The following STAU2 variants were observed in gnomAD, a reference collection of about 807,000 sequenced individuals.
STAU2 encodes staufen double-stranded RNA binding protein 2.
STAU2 carries 20 observed loss-of-function variants against 65.9 expected under a neutral mutation model. The ratio of observed to expected loss-of-function variants is 0.30; its 90% CI spans 0.21 to 0.44. The LOEUF is 0.44. Ranked by LOEUF, STAU2 falls within the 20% of genes least tolerant of loss-of-function variation. STAU2 has a pLI of 1.00. For synonymous variants in STAU2, 232 were observed against 233.9 expected, an observed-to-expected ratio of 0.99 and a Z score of 0.07; for missense variants, 558 against 683.9, an observed-to-expected ratio of 0.82 and a Z score of 2.05.
chr8:73,684,080 T>A (rs754220973), intron 5 of STAU2, among the ~76,000 whole-genome samples: 1 of 152,110 alleles, frequency 6.6e-6, no homozygotes, highest in Non-Finnish European at 1.5e-5. Context: ...AATACCATCA[T>A]CATTTTTCAC....
At chr8:73,571,908 T>C (rs1041061383) in intron 12 of STAU2, among the ~76,000 whole-genome samples, 4 of 151,906 alleles carry the variant, frequency 2.6e-5, no homozygotes, top group African/African-American at 9.7e-5. Context: ...AGAGCAGAAC[T>C]AAGGGAGATA....
intron 6 of STAU2, among the ~76,000 whole-genome samples, chr8:73,657,644 T>C (rs981925032): frequency 1.3e-5 from 2 of 152,198 alleles, no homozygotes; most frequent in African/African-American, 2.4e-5. Flanking sequence ...TATATTTATA[T>C]TGGTATTAGA....
chr8:73,465,460 C>T (rs1023580972), intron 13 of STAU2, among the ~76,000 whole-genome samples: 5 of 152,192 alleles, frequency 3.3e-5, no homozygotes, highest in Non-Finnish European at 7.3e-5. Flanking sequence ...TAGAATGCCT[C>T]ACGTATTACT....
chr8:73,429,413 C>CTGTTTTTTTT (rs1817086565), intron 13 of STAU2, among the ~76,000 whole-genome samples: 1 of 65,312 alleles, frequency 1.5e-5, no homozygotes, highest in East Asian at 6.4e-4. Context: ...TTGCTCAGGT[C>CTGTTTTTTTT]TTTTTTTTTT....
In STAU2 at chr8:73,568,733, G is replaced by C. The variant is rs146517964; in HGVS notation, c.1222+14037C>G. 3.3e-3 allele frequency among the ~76,000 whole-genome samples: 500 copies of C among 152,328 alleles called. 2 individuals carry two copies. The highest frequency in any genetic ancestry group is 5.2e-3 in the Non-Finnish European group (355 of 68,028). On this transcript the variant is annotated intron_variant, in intron 12 of 14. Transcript: ENST00000524300. Reference sequence around the variant, plus strand: ...ATGGTAACAGTGAACTCTCAATGCAGTGGGGAATAAAGTTGGGTCCATACT... The same window carrying C: ...ATGGTAACAGTGAACTCTCAATGCACTGGGGAATAAAGTTGGGTCCATACT...
At chr8:73,471,231 G>A (rs1316622022) in intron 13 of STAU2, among the ~76,000 whole-genome samples, 1 of 141,680 alleles carries the variant, frequency 7.1e-6, no homozygotes, top group Non-Finnish European at 1.5e-5. Flanking sequence ...GCAGTGCCAT[G>A]GCACAATCAG....
intron 13 of STAU2, among the ~76,000 whole-genome samples, chr8:73,476,204 C>A (rs183962937): frequency 2.5e-3 from 377 of 152,252 alleles, no homozygotes; most frequent in Admixed American, 5.2e-3. Context: ...GCACCCAGAA[C>A]AGAATTTATC....
intron 12 of STAU2, among the ~76,000 whole-genome samples, chr8:73,559,204 C>A (rs945728663): frequency 1.3e-5 from 2 of 152,128 alleles, no homozygotes; most frequent in African/African-American, 4.8e-5. Flanking sequence ...GTACATGCAA[C>A]CTCTTTGTAC....
chr8:73,646,596 T>C (rs1447451959), intron 6 of STAU2, among the ~76,000 whole-genome samples: 4 of 152,174 alleles, frequency 2.6e-5, no homozygotes, highest in African/African-American at 9.7e-5. Context: ...AAAATGTACA[T>C]TTAAATGTAA....
chr8:73,491,854 T>A (rs968375464), intron 13 of STAU2, among the ~76,000 whole-genome samples: 4 of 151,968 alleles, frequency 2.6e-5, no homozygotes, highest in African/African-American at 7.2e-5. Flanking sequence ...GGTTCAAAAT[T>A]AGTACACTAA....
At chr8:73,519,104 G>GA (rs1226843393) in intron 13 of STAU2, among the ~76,000 whole-genome samples, 2 of 152,148 alleles carry the variant, frequency 1.3e-5, no homozygotes, top group African/African-American at 4.8e-5. Flanking sequence ...CAGCGGCAGT[G>GA]ATTATACCCA....
At chr8:73,493,437 T>A (rs930205900) in intron 13 of STAU2, among the ~76,000 whole-genome samples, 5 of 151,692 alleles carry the variant, frequency 3.3e-5, no homozygotes, top group Non-Finnish European at 5.9e-5. Context: ...AACTTAATAA[T>A]GAAAAGACAA....
chr8:73,439,048 T>G (rs1214708840), intron 13 of STAU2: 2 of 456,700 alleles, frequency 4.4e-6, no homozygotes, highest in Non-Finnish European at 8.8e-6. Flanking sequence ...CCATGGGAAT[T>G]AACTGATGGA....
chr8:73,464,007 T>C (rs1055309433), intron 13 of STAU2, among the ~76,000 whole-genome samples: 20 of 152,218 alleles, frequency 1.3e-4, no homozygotes, highest in Non-Finnish European at 2.6e-4. Flanking sequence ...TTAGGAAACA[T>C]CTTTAGTACA....
intron 10 of STAU2, among the ~76,000 whole-genome samples, chr8:73,596,119 A>T (rs1811167846): frequency 6.6e-6 from 1 of 152,118 alleles, no homozygotes; most frequent in Non-Finnish European, 1.5e-5. Context: ...TCTTTAAAAA[A>T]AAAAAAAAAG....
intron 13 of STAU2, among the ~76,000 whole-genome samples, chr8:73,517,468 A>G (rs1264410819): frequency 1.3e-5 from 2 of 152,034 alleles, no homozygotes; most frequent in Admixed American, 6.6e-5. Context: ...GATAAGCAGC[A>G]TATGTGCAGG....
chr8:73,690,270 A>G (rs1417375322), intron 4 of STAU2, among the ~76,000 whole-genome samples: 3 of 145,492 alleles, frequency 2.1e-5, no homozygotes, highest in Non-Finnish European at 4.5e-5. Context: ...CGGAGCTTGC[A>G]GTGAGCCGAG....
chr8:73,425,880 C>T (rs541975198), intron 13 of STAU2, among the ~76,000 whole-genome samples: 10 of 152,206 alleles, frequency 6.6e-5, no homozygotes, highest in African/African-American at 2.4e-4. Flanking sequence ...GCAACCTCCA[C>T]TTCCTGGGTT....
intron 13 of STAU2, among the ~76,000 whole-genome samples, chr8:73,472,061 A>G (rs148922481): frequency 7.1e-4 from 108 of 152,300 alleles, no homozygotes; most frequent in Middle Eastern, 3.4e-3. Context: ...AGGTGCAGGA[A>G]GGGAATGCAG....
Sources: gnomAD v4.1 joint callset for allele counts (sites outside exome capture counted in the v4.1 genomes callset) on GRCh38, gnomAD v4.1.1 for gene constraint, MANE v1.5 for transcripts, NCBI Gene and HGNC (gene_info 2026-07-23, HGNC 2026-07-21) for gene names.